CDH13: variants seen among roughly 807,000 people sequenced by gnomAD.
CDH13 encodes the protein cadherin-13.
In CDH13, 24 loss-of-function variants were observed where a neutral mutation model predicts 63.8. That is an observed-to-expected ratio of 0.38 (90% confidence interval 0.27 to 0.53). CDH13 has a LOEUF of 0.53. Ranked by LOEUF, CDH13 falls within the 20% of genes least tolerant of loss-of-function variation. CDH13 has a pLI of 0.85. For missense variants in CDH13, 1,049 were observed against 903.1 expected, an observed-to-expected ratio of 1.16 and a Z score of -2.07; for synonymous variants, 503 against 355.3, an observed-to-expected ratio of 1.42 and a Z score of -4.67.
At chr16:82,693,158 C>G (rs1423281751) in intron 1 of CDH13, among the ~76,000 whole-genome samples, 1 of 152,176 alleles carries the variant, frequency 6.6e-6, no homozygotes, top group Admixed American at 6.5e-5. Flanking sequence ...ATGCCATGGA[C>G]TTTGAGATGA....
chr16:83,124,930 A>G (rs181279637), intron 3 of CDH13, among the ~76,000 whole-genome samples: 11 of 152,334 alleles, frequency 7.2e-5, no homozygotes, highest in African/African-American at 2.2e-4. Flanking sequence ...GCTTTGTAGT[A>G]TAATTTGAAG....
At chr16:82,660,639 CCT>C (rs1454390402) in intron 1 of CDH13, among the ~76,000 whole-genome samples, 1 of 152,080 alleles carries the variant, frequency 6.6e-6, no homozygotes, top group African/African-American at 2.4e-5. Flanking sequence ...ATATTTAAGC[CCT>C]TTCACTGTAT....
chr16:82,937,764 A>G (rs898726393), intron 2 of CDH13, among the ~76,000 whole-genome samples: 27 of 152,274 alleles, frequency 1.8e-4, no homozygotes, highest in African/African-American at 6.5e-4. Context: ...TCCACATATA[A>G]CCTATTTTAT....
intron 5 of CDH13, among the ~76,000 whole-genome samples, chr16:83,319,954 G>A (rs2090185795): frequency 6.6e-6 from 1 of 152,172 alleles, no homozygotes; most frequent in Non-Finnish European, 1.5e-5. Context: ...AGGCATCATG[G>A]AAAAACGAGG....
rs147453482 is a variant in CDH13 at position 82,861,786 on chromosome 16, G to A, written c.157+3313G>A. 3.2e-3 allele frequency among the ~76,000 whole-genome samples: 489 copies of A among 152,038 alleles called. 4 individuals are homozygous for A. Among genetic ancestry groups the A allele is most frequent in the South Asian group, 0.015 (71 of 4,802 alleles). ...CTGGACTTGCTTTTGTCTTAAAAAC[G>A]CCATTTTTCAACAATATGCTGGGAC... On this transcript the variant is annotated intron_variant, in intron 2 of 13. Coordinates refer to ENST00000567109, the MANE Select transcript of CDH13 (RefSeq NM_001257.5).
At chr16:82,645,577 C>G (rs1416589121) in intron 1 of CDH13, among the ~76,000 whole-genome samples, 1 of 152,080 alleles carries the variant, frequency 6.6e-6, no homozygotes, top group African/African-American at 2.4e-5. Context: ...AAAAGGTTAT[C>G]CTGACCCAAA....
chr16:83,087,332 C>G (rs1039852196), intron 3 of CDH13, among the ~76,000 whole-genome samples: 1 of 152,054 alleles, frequency 6.6e-6, no homozygotes, highest in African/African-American at 2.4e-5. Flanking sequence ...TAGCAAGGTC[C>G]AAATGATAGG....
chr16:83,766,135 C>A (rs1047349705), intron 11 of CDH13, among the ~76,000 whole-genome samples: 9 of 152,162 alleles, frequency 5.9e-5, no homozygotes, highest in African/African-American at 2.2e-4. Flanking sequence ...TCTCTATGTC[C>A]CTGGTATGGG....
At position 82,922,117 on chromosome 16, in the gene CDH13, T is replaced by C. The variant is rs192010288; in HGVS notation, c.157+63644T>C. On this transcript the variant is annotated intron_variant, in intron 2 of 13. Transcript: ENST00000567109. ...GTAAGATCAGTGGTGGTATGCCCTTTGTTATTTATTAATTTGGTGATCTGT... is the reference window on the plus strand; with the variant it reads ...GTAAGATCAGTGGTGGTATGCCCTTCGTTATTTATTAATTTGGTGATCTGT... Among the ~76,000 whole-genome samples, 10 of 152,320 alleles carry C rather than the reference T, an allele frequency of 6.6e-5. No individual in the cohort carries two copies. The East Asian group carries it at 1.9e-3, about 29-fold the overall frequency.
chr16:83,365,331 G>A lies in CDH13; in HGVS notation c.781+20325G>A, dbSNP rs541885347. Among the ~76,000 whole-genome samples the A allele has an allele frequency of 6.6e-5, 10 of 152,318 alleles. No individual in the cohort carries two copies. In the East Asian group the frequency reaches 9.7e-4, roughly 15 times the overall value. ...CAGCTTTTTGGTTCTGTTCAGACCC[G>A]TAAGTGAGTAGATGAGGCCCACCAC... On this transcript the variant is annotated intron_variant, in intron 6 of 13. Coordinates refer to ENST00000567109, the MANE Select transcript of CDH13 (RefSeq NM_001257.5).
rs150688447 is a variant in CDH13, at chr16:83,040,194, T to C, written c.366+7976T>C. ...CAGCTGGAAAAGGGGTTCATAATTG[T>C]GTGAACCTCATGGGGATGCTGTGAG... is the stretch of plus-strand genomic sequence containing the variant. On this transcript the variant is annotated intron_variant, in intron 3 of 13. Coordinates refer to ENST00000567109, the MANE Select transcript of CDH13 (RefSeq NM_001257.5). Among the ~76,000 whole-genome samples, 396 of 152,056 alleles carry C rather than the reference T, an allele frequency of 2.6e-3. 3 individuals carry two copies. The highest frequency in any genetic ancestry group is 9.1e-3 in the African/African-American group (378 of 41,480).
intron 2 of CDH13, among the ~76,000 whole-genome samples, chr16:82,888,879 C>G (rs1471027840): frequency 2.0e-5 from 3 of 152,188 alleles, no homozygotes; most frequent in Non-Finnish European, 4.4e-5. Context: ...AAATGTCTGT[C>G]TTGAGCAAGC....
chr16:82,963,141 C>T (rs754183655), intron 2 of CDH13, among the ~76,000 whole-genome samples: 10 of 151,348 alleles, frequency 6.6e-5, no homozygotes, highest in East Asian at 1.9e-4. Context: ...GAGGCTGAGG[C>T]GGGCAGATCA....
intron 6 of CDH13, among the ~76,000 whole-genome samples, chr16:83,404,046 C>A (rs2092006981): frequency 1.3e-5 from 2 of 152,154 alleles, no homozygotes; most frequent in Admixed American, 6.5e-5. Flanking sequence ...AGAATATTTT[C>A]TGAATCATAA....
intron 3 of CDH13, among the ~76,000 whole-genome samples, chr16:83,044,273 A>C (rs1917583608): frequency 6.6e-6 from 1 of 152,222 alleles, no homozygotes; most frequent in African/African-American, 2.4e-5. Context: ...GATTTTGTGG[A>C]GTCATTGCTA....
intron 1 of CDH13, chr16:82,826,300 G>T (rs1281737080): frequency 6.6e-6 from 1 of 152,198 alleles, no homozygotes; most frequent in Non-Finnish European, 1.5e-5. Context: ...CTTGAGAATT[G>T]CAGTGGCTTC....
chr16:83,162,312 G>A (rs1049611279), intron 4 of CDH13, among the ~76,000 whole-genome samples: 2 of 152,062 alleles, frequency 1.3e-5, no homozygotes, highest in Non-Finnish European at 2.9e-5. Context: ...TGACAAAGAT[G>A]CTTTCATGAT....
intron 4 of CDH13, among the ~76,000 whole-genome samples, chr16:83,176,605 A>T (rs371059061): frequency 6.6e-6 from 1 of 151,896 alleles, no homozygotes; most frequent in Non-Finnish European, 1.5e-5. Context: ...TTCATCCCCA[A>T]TTATAAATAT....
intron 10 of CDH13, among the ~76,000 whole-genome samples, chr16:83,722,728 G>A (rs954015219): frequency 1.4e-4 from 22 of 152,302 alleles, no homozygotes; most frequent in African/African-American, 4.8e-4. Context: ...GAGTCACCAC[G>A]TCTTATTCAG....
Sources: allele counts gnomAD v4.1 joint callset (sites outside exome capture counted in the v4.1 genomes callset), GRCh38; gene constraint gnomAD v4.1.1; transcripts MANE v1.5; gene names NCBI Gene and HGNC (gene_info 2026-07-23, HGNC 2026-07-21).